PPP2R2B: variants seen among roughly 807,000 people sequenced by gnomAD.
PPP2R2B encodes the protein protein phosphatase 2 regulatory subunit Bbeta.
PPP2R2B carries 5 observed loss-of-function variants against 46.0 expected under a neutral mutation model. The ratio of observed to expected loss-of-function variants is 0.11; its 90% CI spans 0.06 to 0.23. The LOEUF (loss-of-function observed/expected upper bound fraction) is 0.23, where lower values mean the gene tolerates loss of function less well. Among genes scored for constraint, PPP2R2B ranks in the 10% least tolerant of loss-of-function variants. The probability of loss-of-function intolerance (pLI) is 1.00; values close to 1 mark genes in which losing one functional copy is unlikely to be tolerated. For synonymous variants in PPP2R2B, 215 were observed against 206.7 expected, an observed-to-expected ratio of 1.04 and a Z score of -0.34; for missense variants, 367 against 575.0, an observed-to-expected ratio of 0.64 and a Z score of 3.70.
At chr5:146,632,888 G>A (rs527563335) in intron 7 of PPP2R2B, among the ~76,000 whole-genome samples, 1 of 152,158 alleles carries the variant, frequency 6.6e-6, no homozygotes, top group Non-Finnish European at 1.5e-5. Context: ...CAGGCTACAG[G>A]GAGCTGAGCC....
chr5:146,931,522 C>T (rs1763969346), intron 1 of PPP2R2B, among the ~76,000 whole-genome samples: 1 of 152,128 alleles, frequency 6.6e-6, no homozygotes, highest in Non-Finnish European at 1.5e-5. Flanking sequence ...TGACTGTTTG[C>T]TTATCGAGAT....
intron 1 of PPP2R2B, among the ~76,000 whole-genome samples, chr5:146,937,800 G>C (rs1438308330): frequency 6.6e-6 from 1 of 152,172 alleles, no homozygotes; most frequent in Non-Finnish European, 1.5e-5. Flanking sequence ...ATTTATGTCT[G>C]TTTGGCTTCT....
chr5:146,699,661 G>GTTTTTTTTTTTTTTTT (rs11388336), intron 3 of PPP2R2B, among the ~76,000 whole-genome samples: 2 of 118,056 alleles, frequency 1.7e-5, no homozygotes, highest in African/African-American at 3.3e-5. Flanking sequence ...AACTTAATTG[G>GTTTTTTTTTTTTTTTT]TTTTTTTTTT....
chr5:146,920,172 A>G (rs780294681), intron 1 of PPP2R2B, among the ~76,000 whole-genome samples: 9 of 152,224 alleles, frequency 5.9e-5, no homozygotes, highest in Non-Finnish European at 1.0e-4. Context: ...GTTTCTGAAA[A>G]GGTGGCTGGG....
At chr5:146,637,489 C>T (rs1774899260) in intron 7 of PPP2R2B, among the ~76,000 whole-genome samples, 1 of 152,198 alleles carries the variant, frequency 6.6e-6, no homozygotes, top group Non-Finnish European at 1.5e-5. Flanking sequence ...ATTATAGTGG[C>T]TTCCTAACCT....
chr5:146,830,830 C>T (rs1055816477), intron 2 of PPP2R2B, among the ~76,000 whole-genome samples: 1 of 152,138 alleles, frequency 6.6e-6, no homozygotes, highest in Non-Finnish European at 1.5e-5. Flanking sequence ...TGCTACCATA[C>T]TATCATTTCA....
Position 146,584,922 on chromosome 5 carries a change from T to C in PPP2R2B, c.*5025A>G, listed in dbSNP as rs1209366834. ...ATTGGAAACGCTGTATCATGCTTTGTTGAGCAAATTTAGTTAAAATTCTGC... is the reference window on the plus strand; with the variant it reads ...ATTGGAAACGCTGTATCATGCTTTGCTGAGCAAATTTAGTTAAAATTCTGC... On this transcript the variant is annotated 3_prime_UTR_variant, in exon 10 of 10. Coordinates refer to ENST00000394411, the MANE Select transcript of PPP2R2B (RefSeq NM_181675.4). 6.6e-6 allele frequency: 1 copy of C among 152,210 alleles called. No homozygotes were observed. The highest frequency in any genetic ancestry group is 1.5e-5 in the Non-Finnish European group (1 of 68,032). The allele number at this position is 152,210 out of a possible 1,614,324, so 9.4% of individuals were successfully genotyped here.
chr5:146,807,776 C>CTTTTTTTT (rs10583721), intron 2 of PPP2R2B, among the ~76,000 whole-genome samples: 469 of 36,926 alleles, frequency 0.013, 128 homozygotes, highest in Non-Finnish European at 0.016. Flanking sequence ...GGGGTGCCTT[C>CTTTTTTTT]TTTTTTTTTT....
chr5:146,916,781 T>C (rs2151810733), intron 1 of PPP2R2B, among the ~76,000 whole-genome samples: 1 of 152,114 alleles, frequency 6.6e-6, no homozygotes, highest in East Asian at 1.9e-4. Flanking sequence ...TGACTTGTAG[T>C]AAGAAAAAAA....
At chr5:147,055,203 C>G (rs1757021581) in intron 1 of PPP2R2B, among the ~76,000 whole-genome samples, 1 of 152,180 alleles carries the variant, frequency 6.6e-6, no homozygotes, top group Admixed American at 6.5e-5. Flanking sequence ...ATCCAACAAT[C>G]AACACTCCAC....
At chr5:146,972,955 T>C (rs1056624889) in intron 1 of PPP2R2B, among the ~76,000 whole-genome samples, 2 of 152,172 alleles carry the variant, frequency 1.3e-5, no homozygotes, top group African/African-American at 4.8e-5. Flanking sequence ...TTTTCTGTTG[T>C]GTTTTTGCCA....
intron 2 of PPP2R2B, among the ~76,000 whole-genome samples, chr5:147,077,743 G>C (rs910320952): frequency 1.2e-4 from 19 of 152,100 alleles, no homozygotes; most frequent in Non-Finnish European, 2.8e-4. Flanking sequence ...TTTTTAAAAA[G>C]TTTCTGCCTG....
intron 2 of PPP2R2B, among the ~76,000 whole-genome samples, chr5:146,749,216 T>C (rs575192896): frequency 6.6e-5 from 10 of 152,344 alleles, no homozygotes; most frequent in Admixed American, 1.3e-4. Flanking sequence ...TGGTGAAATA[T>C]CTCAGGTCTT....
intron 2 of PPP2R2B, chr5:146,706,492 T>C: frequency 8.4e-7 from 1 of 1,192,842 alleles, no homozygotes; most frequent in South Asian, 1.2e-5. Context: ...AGCTTGATGT[T>C]CATCAGCTTC....
chr5:146,737,740 G>A (rs910491166), intron 2 of PPP2R2B, among the ~76,000 whole-genome samples: 3 of 152,128 alleles, frequency 2.0e-5, no homozygotes, highest in Non-Finnish European at 4.4e-5. Context: ...TTATATTTAT[G>A]GTGGGTGTCA....
At chr5:146,627,083 G>T (rs1774113515) in intron 7 of PPP2R2B, among the ~76,000 whole-genome samples, 1 of 152,058 alleles carries the variant, frequency 6.6e-6, no homozygotes, top group Non-Finnish European at 1.5e-5. Context: ...TGAGGTGGGG[G>T]TGGTGGTGGT....
chr5:147,058,720 T>C (rs2151906573), upstream of PPP2R2B, among the ~76,000 whole-genome samples: 1 of 152,332 alleles, frequency 6.6e-6, no homozygotes, highest in African/African-American at 2.4e-5. Flanking sequence ...TGAAATTTCT[T>C]TGGACAGTGA....
At chr5:146,667,332 GCACA>G (rs144297178) in intron 5 of PPP2R2B, among the ~76,000 whole-genome samples, 1,421 of 32,036 alleles carry the variant, frequency 0.044, 23 homozygotes, top group African/African-American at 0.13. Flanking sequence ...GCGTGCGCGC[GCACA>G]CACACACACA....
chr5:146,754,573 C>A (rs896133899), intron 2 of PPP2R2B, among the ~76,000 whole-genome samples: 13 of 152,314 alleles, frequency 8.5e-5, no homozygotes, highest in African/African-American at 2.9e-4. Context: ...TTGGGCCAGA[C>A]TTAGTAATTC....
Sources: gnomAD v4.1 joint callset for allele counts (sites outside exome capture counted in the v4.1 genomes callset) on GRCh38, gnomAD v4.1.1 for gene constraint, MANE v1.5 for transcripts, NCBI Gene and HGNC (gene_info 2026-07-23, HGNC 2026-07-21) for gene names.